Variants in GALNT14 observed in about 807,000 individuals in gnomAD.
GALNT14 encodes the protein UDP-GalNAc:polypeptide N-acetylgalactosaminyltransferase 14.
A neutral mutation model predicts 77.5 loss-of-function variants in GALNT14; 60 were observed. That is an observed-to-expected ratio of 0.77 (90% CI 0.63 to 0.96). GALNT14 has a LOEUF of 0.96. GALNT14 is among the 40% of genes least tolerant of loss of function. GALNT14 has a pLI of 0.00. For synonymous variants in GALNT14, 280 were observed against 281.7 expected (o/e 0.99, Z 0.06); for missense variants, 710 against 731.0 (o/e 0.97, Z 0.33).
intron 1 of GALNT14, among the ~76,000 whole-genome samples, chr2:31,038,176 C>T (rs1373609230): frequency 6.8e-6 from 1 of 147,690 alleles, no homozygotes; most frequent in Non-Finnish European, 1.5e-5. Flanking sequence ...CTTACTGCAA[C>T]CCCCGCCTCC....
chr2:30,960,648 G>T (rs1166764597), intron 3 of GALNT14, among the ~76,000 whole-genome samples: 1 of 152,010 alleles, frequency 6.6e-6, no homozygotes, highest in African/African-American at 2.4e-5. Flanking sequence ...CACGTGCTCT[G>T]GGTGGTCAGA....
intron 6 of GALNT14, among the ~76,000 whole-genome samples, chr2:30,953,592 G>A (rs113010844): frequency 0.019 from 2,860 of 152,208 alleles, 99 homozygotes; most frequent in African/African-American, 0.065. Flanking sequence ...ATAGGCATGC[G>A]CCACCGCACC....
chr2:30,933,820 T>C (rs529264479), intron 9 of GALNT14, among the ~76,000 whole-genome samples: 3 of 152,220 alleles, frequency 2.0e-5, no homozygotes, highest in Admixed American at 6.5e-5. Context: ...CCTGATTTGC[T>C]CTTATGTCAA....
chr2:31,126,929 T>C (rs1418037214), intron 1 of GALNT14: 1 of 152,172 alleles, frequency 6.6e-6, no homozygotes, highest in Non-Finnish European at 1.5e-5. Context: ...TCCAAAGACT[T>C]ATTTGGGAAA....
At chr2:30,951,077 T>C (rs913276743) in intron 6 of GALNT14, among the ~76,000 whole-genome samples, 1 of 152,062 alleles carries the variant, frequency 6.6e-6, no homozygotes, top group African/African-American at 2.4e-5. Context: ...CCCCAAATAA[T>C]TGAAAACAGA....
At chr2:30,988,989 A>G (rs959945765) in intron 2 of GALNT14, among the ~76,000 whole-genome samples, 2 of 152,040 alleles carry the variant, frequency 1.3e-5, no homozygotes, top group African/African-American at 4.8e-5. Flanking sequence ...AGAAATGTGG[A>G]CTCACGGGCC....
chr2:31,117,790 C>T (rs1011894538), intron 1 of GALNT14, among the ~76,000 whole-genome samples: 3 of 152,150 alleles, frequency 2.0e-5, no homozygotes, highest in African/African-American at 7.2e-5. Context: ...GCAGAAGTTC[C>T]TGCTTACACA....
intron 1 of GALNT14, among the ~76,000 whole-genome samples, chr2:31,068,702 T>A (rs551758053): frequency 1.3e-5 from 2 of 152,172 alleles, no homozygotes; most frequent in South Asian, 4.2e-4. Flanking sequence ...GGCCCCTAGG[T>A]GTTTAAGATG....
chr2:31,078,109 G>C (rs898584845), intron 1 of GALNT14, among the ~76,000 whole-genome samples: 1 of 152,222 alleles, frequency 6.6e-6, no homozygotes, highest in East Asian at 1.9e-4. Flanking sequence ...ATCTTGAGAA[G>C]AGACTGGCTC....
intron 1 of GALNT14, among the ~76,000 whole-genome samples, chr2:31,025,932 C>T (rs1190194356): frequency 1.3e-5 from 2 of 152,118 alleles, no homozygotes; most frequent in Non-Finnish European, 2.9e-5. Context: ...ATTCTTAAGG[C>T]CTTCGGCAGA....
At chr2:31,032,645 G>A (rs185195151) in intron 1 of GALNT14, among the ~76,000 whole-genome samples, 1 of 152,264 alleles carries the variant, frequency 6.6e-6, no homozygotes, top group East Asian at 1.9e-4. Flanking sequence ...CAGGGAAGCT[G>A]TTGAGATTAT....
At chr2:31,126,014 T>C (rs1678683977) in intron 1 of GALNT14, among the ~76,000 whole-genome samples, 1 of 152,194 alleles carries the variant, frequency 6.6e-6, no homozygotes, top group African/African-American at 2.4e-5. Context: ...TTTTTAAAGT[T>C]TAACCCTAGG....
chr2:31,078,471 G>A (rs1170748028), intron 1 of GALNT14, among the ~76,000 whole-genome samples: 2 of 152,184 alleles, frequency 1.3e-5, no homozygotes, highest in African/African-American at 4.8e-5. Context: ...ATTGTCCTCA[G>A]AGTTAAAGCC....
chr2:30,973,155 G>T (rs1363974230), intron 2 of GALNT14, among the ~76,000 whole-genome samples: 1 of 152,190 alleles, frequency 6.6e-6, no homozygotes, highest in African/African-American at 2.4e-5. Flanking sequence ...AAAACATAAA[G>T]TGGGAATGGG....
At chr2:30,938,933 T>C (rs1442800079) in intron 9 of GALNT14, among the ~76,000 whole-genome samples, 1 of 152,256 alleles carries the variant, frequency 6.6e-6, no homozygotes, top group Non-Finnish European at 1.5e-5. Context: ...ATTATTCTCG[T>C]ATTTAAAGGG....
chr2:31,092,900 C>T (rs1676823578), intron 1 of GALNT14, among the ~76,000 whole-genome samples: 1 of 152,170 alleles, frequency 6.6e-6, no homozygotes, highest in African/African-American at 2.4e-5. Context: ...ATTACTTTTG[C>T]ATCAACCTAA....
At chr2:31,136,236 C>T (rs1470873083) in intron 1 of GALNT14, among the ~76,000 whole-genome samples, 2 of 152,082 alleles carry the variant, frequency 1.3e-5, no homozygotes, top group African/African-American at 4.8e-5. Context: ...AGATTCTACC[C>T]CACCCAGCCC....
At chr2:31,048,437 G>T (rs1370212789) in intron 1 of GALNT14, among the ~76,000 whole-genome samples, 1 of 152,180 alleles carries the variant, frequency 6.6e-6, no homozygotes, top group Non-Finnish European at 1.5e-5. Flanking sequence ...TTTATTAGCA[G>T]ACAGTCCTAA....
At chr2:31,126,744 A>T (rs1251384578) in intron 1 of GALNT14, 4 of 152,276 alleles carry the variant, frequency 2.6e-5, no homozygotes, top group Admixed American at 1.3e-4. Flanking sequence ...TATACCAGCC[A>T]AAGTCCTACT....
Sources: gnomAD v4.1 joint callset for allele counts (sites outside exome capture counted in the v4.1 genomes callset) on GRCh38, gnomAD v4.1.1 for gene constraint, MANE v1.5 for transcripts, NCBI Gene and HGNC (gene_info 2026-07-23, HGNC 2026-07-21) for gene names.